Variants in ARHGEF16 observed in about 807,000 individuals in gnomAD.
ARHGEF16 encodes Rho guanine exchange factor (GEF) 16.
A neutral mutation model predicts 74.1 loss-of-function variants in ARHGEF16; 59 were observed. The observed-to-expected ratio is 0.80, with a 90% confidence interval of 0.65 to 0.99. ARHGEF16 has a LOEUF of 0.99. Among genes scored for constraint, ARHGEF16 ranks in the 50% least tolerant of loss-of-function variants. The probability of loss-of-function intolerance (pLI) is 0.00; values close to 1 mark genes in which losing one functional copy is unlikely to be tolerated. For missense variants in ARHGEF16, 948 were observed against 986.6 expected, an observed-to-expected ratio of 0.96 and a Z score of 0.52; for synonymous variants, 415 against 412.6, an observed-to-expected ratio of 1.01 and a Z score of -0.07.
chr1:3,458,431 C>T (rs550485094), intron 1 of ARHGEF16, among the ~76,000 whole-genome samples: 1 of 152,360 alleles, frequency 6.6e-6, no homozygotes, highest in South Asian at 2.1e-4. Context: ...CCCTCTCAGC[C>T]CCTCCCCTTC....
intron 1 of ARHGEF16, among the ~76,000 whole-genome samples, chr1:3,461,342 ACACGCTTTG>A (rs1639388186): frequency 6.6e-6 from 1 of 152,224 alleles, no homozygotes; most frequent in Admixed American, 6.5e-5. Flanking sequence ...CAGGCCTGTT[ACACGCTTTG>A]CACGCTTTAC....
intron 6 of ARHGEF16, 125 bp from the exon 7 acceptor site, chr1:3,472,953 G>A (rs1639772341): frequency 2.7e-6 from 3 of 1,127,164 alleles, no homozygotes; most frequent in Admixed American, 5.8e-5. Flanking sequence ...GCCTCTGGGA[G>A]CTGAGCTCAG....
chr1:3,474,686 C>A, intron 8 of ARHGEF16, 22 bp from the exon 9 acceptor site: 1 of 1,608,968 alleles, frequency 6.2e-7, no homozygotes, highest in South Asian at 1.1e-5. Flanking sequence ...GACTTTCTGT[C>A]CCATGTCTGT....
At chr1:3,466,121 C>A (rs576646487) in intron 2 of ARHGEF16, 27 bp from the exon 3 acceptor site, 1 of 1,547,968 alleles carries the variant, frequency 6.5e-7, no homozygotes, top group Non-Finnish European at 8.7e-7. Flanking sequence ...CTGACAGCTG[C>A]GGTTTCTGTG....
Position 3,478,448 on chromosome 1 carries a change from C to T in ARHGEF16, c.1650C>T (p.Asp550=). ...KKSEESYMVQ[D]YAQMNHIQVE... is the part of the protein sequence containing the mutation. ...GCGAGGAGAGCTACATGGTCCAGGA[C>T]TACGCCCAGATGAACCACATCCAGG... The change falls in exon 12 of 15, where the codon GAC becomes GAT. Residue 550 remains aspartate, a synonymous_variant. Coordinates refer to ENST00000378378, the MANE Select transcript of ARHGEF16 (RefSeq NM_014448.4). The T allele has an allele frequency of 1.2e-6, 2 of 1,610,794 alleles. No homozygotes were observed. Among genetic ancestry groups the T allele is most frequent in the Non-Finnish European group, 1.7e-6 (2 of 1,178,792 alleles).
intron 6 of ARHGEF16, among the ~76,000 whole-genome samples, chr1:3,470,883 C>T (rs1352644511): frequency 3.7e-5 from 4 of 107,246 alleles, no homozygotes; most frequent in East Asian, 5.7e-4. Context: ...GGTGTATGTG[C>T]GTGGGTGTGT....
At chr1:3,470,907 G>C (rs1468699089) in intron 6 of ARHGEF16, among the ~76,000 whole-genome samples, 1 of 131,486 alleles carries the variant, frequency 7.6e-6, no homozygotes, top group Non-Finnish European at 1.6e-5. Context: ...CCTGGCCAGG[G>C]GTATGTGTGT....
intron 1 of ARHGEF16, among the ~76,000 whole-genome samples, chr1:3,455,651 A>C (rs1639250527): frequency 1.3e-5 from 2 of 152,044 alleles, no homozygotes; most frequent in Non-Finnish European, 2.9e-5. Flanking sequence ...CAGTCTGTGC[A>C]CCACCTAACA....
Position 3,480,632 on chromosome 1 carries a change from G to A in ARHGEF16, c.*45G>A, listed in dbSNP as rs370701000. 11 of 1,587,826 alleles carry A rather than the reference G, an allele frequency of 6.9e-6. No individual in the cohort carries two copies. In the African/African-American group the frequency reaches 9.3e-5, roughly 13 times the overall value. Reference sequence around the variant, plus strand: ...CGGCAGCACAGCCTGTCTCCAATCAGCAAGTGGTCGTGCCTGGCTCTAGAG... The same window carrying A: ...CGGCAGCACAGCCTGTCTCCAATCAACAAGTGGTCGTGCCTGGCTCTAGAG... On this transcript the variant is annotated 3_prime_UTR_variant, in exon 15 of 15. Transcript: ENST00000378378.
chr1:3,457,200 C>G (rs998521924), intron 1 of ARHGEF16, among the ~76,000 whole-genome samples: 3 of 152,268 alleles, frequency 2.0e-5, no homozygotes, highest in African/African-American at 7.2e-5. Flanking sequence ...GATTATGTGA[C>G]TGAGTCCGAA....
chr1:3,474,806 C>G, intron 9 of ARHGEF16, 24 bp downstream of exon 9: 3 of 1,608,638 alleles, frequency 1.9e-6, no homozygotes, highest in Non-Finnish European at 2.6e-6. Context: ...TGGCCCCAGC[C>G]CTACCCGAGT....
chr1:3,461,959 C>T (rs1483719872), intron 1 of ARHGEF16, among the ~76,000 whole-genome samples: 4 of 152,144 alleles, frequency 2.6e-5, no homozygotes, highest in African/African-American at 7.2e-5. Flanking sequence ...AGCCCTGCCT[C>T]GGGTCTGGAA....
intron 2 of ARHGEF16, 30 bp downstream of exon 2, chr1:3,463,702 A>AG: frequency 7.3e-7 from 1 of 1,372,292 alleles, no homozygotes; most frequent in Non-Finnish European, 9.5e-7. Context: ...GACCGTGGGG[A>AG]GGGGGCTGCT....
intron 1 of ARHGEF16, among the ~76,000 whole-genome samples, chr1:3,459,916 T>C (rs966881514): frequency 3.3e-5 from 5 of 152,098 alleles, no homozygotes; most frequent in Non-Finnish European, 7.4e-5. Flanking sequence ...GCTGTGCCTT[T>C]TTCTGGGAAA....
rs1320291993 is a variant in ARHGEF16 at position 3,467,249 on chromosome 1, C to T, written c.716C>T (p.Ser239Phe). ...ESDDDILDES[S>F]SPEGTQKVDA... ...GATGACGACATCCTCGATGAGTCCTCCAGCCCCGAGGGAACCCAGAAGGTG... is the reference window on the plus strand; with the variant it reads ...GATGACGACATCCTCGATGAGTCCTTCAGCCCCGAGGGAACCCAGAAGGTG... Residue 239 changes from serine to phenylalanine, a missense_variant, in exon 4 of 15, where the codon TCC becomes TTC. Transcript: ENST00000378378. 1.2e-5 allele frequency: 18 copies of T among 1,550,532 alleles called. No individual in the cohort carries two copies. Among genetic ancestry groups the T allele is most frequent in the Non-Finnish European group, 1.4e-5 (16 of 1,146,888 alleles).
At chr1:3,468,997 A>C (rs1223865576) in intron 5 of ARHGEF16, 61 bp downstream of exon 5, 46 of 1,539,428 alleles carry the variant, frequency 3.0e-5, no homozygotes, top group Non-Finnish European at 3.9e-5. Context: ...ACACCCGGGG[A>C]GGGGCAGCAG....
rs202079025 is a variant in ARHGEF16, at chr1:3,476,009, C to T, written c.1420C>T (p.Arg474Cys). ...CAACGAGGGGGCCCACAGGATGGAG[C>T]GCATGGAGCAGATGTACACGCTGCA... ...QCNEGAHRME[R>C]MEQMYTLHTQ... is the part of the protein sequence containing the mutation. Residue 474 changes from arginine to cysteine, a missense_variant, in exon 10 of 15, where the codon CGC becomes TGC. Transcript: ENST00000378378. 7.1e-6 allele frequency: 11 copies of T among 1,557,574 alleles called. No individual in the cohort carries two copies. The highest frequency in any genetic ancestry group is 2.4e-5 in the East Asian group (1 of 41,670).
chr1:3,471,943 C>G (rs543357623), intron 6 of ARHGEF16, among the ~76,000 whole-genome samples: 2 of 152,236 alleles, frequency 1.3e-5, no homozygotes, highest in African/African-American at 2.4e-5. Flanking sequence ...GCTGGGTCCT[C>G]GTCCACGGGG....
At chr1:3,468,834 C>T in intron 4 of ARHGEF16, 46 bp from the exon 5 acceptor site, 1 of 1,546,814 alleles carries the variant, frequency 6.5e-7, no homozygotes, top group South Asian at 1.2e-5. Flanking sequence ...TTGGCCCAGG[C>T]TTCTAGGACG....
Sources: gnomAD v4.1 joint callset for allele counts (sites outside exome capture counted in the v4.1 genomes callset) on GRCh38, gnomAD v4.1.1 for gene constraint, MANE v1.5 for transcripts, NCBI Gene and HGNC (gene_info 2026-07-23, HGNC 2026-07-21) for gene names.